Variants in CCDC85A observed in about 807,000 individuals in gnomAD.
CCDC85A encodes the protein coiled-coil domain containing 85A.
A neutral mutation model predicts 50.2 loss-of-function variants in CCDC85A; 38 were observed. The observed-to-expected ratio is 0.76, with a 90% confidence interval of 0.58 to 0.99. The LOEUF is 0.99. Among genes scored for constraint, CCDC85A ranks in the 50% least tolerant of loss-of-function variants. The pLI, the probability that CCDC85A is intolerant of heterozygous loss-of-function variation, is 0.00. For synonymous variants in CCDC85A, 366 were observed against 301.4 expected, an observed-to-expected ratio of 1.21 and a Z score of -2.22; for missense variants, 820 against 742.0, an observed-to-expected ratio of 1.11 and a Z score of -1.22.
Position 56,238,908 on chromosome 2 carries a change from T to C in CCDC85A, c.1240+45468T>C, listed in dbSNP as rs141936067. ...GTCTGCGATGGACTTTGCTGAAGATTATTTAACTCCTTTATATCTCTTTAA... is the reference window on the plus strand; with the variant it reads ...GTCTGCGATGGACTTTGCTGAAGATCATTTAACTCCTTTATATCTCTTTAA... On this transcript the variant is annotated intron_variant, in intron 2 of 5. Coordinates refer to ENST00000407595, the MANE Select transcript of CCDC85A (RefSeq NM_001080433.2). 1.5e-3 allele frequency among the ~76,000 whole-genome samples: 226 copies of C among 152,324 alleles called. 1 individual carries two copies. Among genetic ancestry groups the C allele is most frequent in the African/African-American group, 5.1e-3 (210 of 41,578 alleles).
intron 4 of CCDC85A, among the ~76,000 whole-genome samples, chr2:56,372,686 A>C (rs1225730523): frequency 1.3e-5 from 2 of 152,196 alleles, no homozygotes; most frequent in Admixed American, 6.5e-5. Flanking sequence ...TCTGGGGGTG[A>C]AAGTTGAGCA....
At chr2:56,270,377 G>C (rs1232470914) in intron 2 of CCDC85A, among the ~76,000 whole-genome samples, 1 of 152,176 alleles carries the variant, frequency 6.6e-6, no homozygotes, top group Non-Finnish European at 1.5e-5. Context: ...AGTCAGTCAT[G>C]TAGAATGTTG....
rs563080140 is a variant in CCDC85A at position 56,203,579 on chromosome 2, A to G, written c.1240+10139A>G. On this transcript the variant is annotated intron_variant, in intron 2 of 5. Transcript: ENST00000407595. ...CATTTTTGCCAGAGTCTGCACAGCC[A>G]GGTATACAAAAGACATTGATTTGAA... 1.7e-4 allele frequency among the ~76,000 whole-genome samples: 26 copies of G among 152,302 alleles called. 1 individual carries two copies. Among genetic ancestry groups the G allele is most frequent in the African/African-American group, 5.5e-4 (23 of 41,558 alleles).
At chr2:56,201,855 T>C (rs1676761418) in intron 2 of CCDC85A, among the ~76,000 whole-genome samples, 1 of 152,148 alleles carries the variant, frequency 6.6e-6, no homozygotes, top group Non-Finnish European at 1.5e-5. Flanking sequence ...CCATAAAGTA[T>C]ACTTTATGTT....
At chr2:56,302,757 C>T (rs1400116985) in intron 2 of CCDC85A, among the ~76,000 whole-genome samples, 4 of 152,074 alleles carry the variant, frequency 2.6e-5, no homozygotes, top group African/African-American at 9.7e-5. Flanking sequence ...GTATGTGTTC[C>T]ATTTATTTGT....
chr2:56,344,111 A>G lies in CCDC85A; in HGVS notation c.1317+1156A>G, dbSNP rs184264978. On this transcript the variant is annotated intron_variant, in intron 3 of 5. Transcript: ENST00000407595. ...AAGGGGAATACATTCCAAGACCCCA[A>G]GTGGATGCCTGAAACCACGGATAGT... 1.1e-3 allele frequency among the ~76,000 whole-genome samples: 163 copies of G among 152,282 alleles called. 1 individual carries two copies. The highest frequency in any genetic ancestry group is 3.6e-3 in the African/African-American group (149 of 41,556).
intron 2 of CCDC85A, among the ~76,000 whole-genome samples, chr2:56,209,538 A>T (rs540941543): frequency 9.2e-5 from 14 of 151,748 alleles, no homozygotes; most frequent in Non-Finnish European, 4.4e-5. Flanking sequence ...ACTTTGGGGC[A>T]AAGGTTTTAA....
chr2:56,308,054 A>T (rs1442981371), intron 2 of CCDC85A, among the ~76,000 whole-genome samples: 1 of 152,216 alleles, frequency 6.6e-6, no homozygotes, highest in Non-Finnish European at 1.5e-5. Context: ...TTCTACTCTC[A>T]TAGCATGAGT....
At position 56,229,717 on chromosome 2, in the gene CCDC85A, GA is replaced by G. The variant is rs1385039749; in HGVS notation, c.1240+36278del. 1.1e-4 allele frequency among the ~76,000 whole-genome samples: 16 copies of G among 152,124 alleles called. 1 individual carries two copies. In the South Asian group the frequency reaches 3.3e-3, roughly 32 times the overall value. ...TATTGAAGCATAGTCAAAACAGCCG[GA>G]TCTATATGTCTAGATGTTTTTTTCT... On this transcript the variant is annotated intron_variant, in intron 2 of 5. Transcript: ENST00000407595.
intron 3 of CCDC85A, among the ~76,000 whole-genome samples, chr2:56,362,694 T>A (rs1193886928): frequency 6.6e-6 from 1 of 152,086 alleles, no homozygotes; most frequent in Admixed American, 6.5e-5. Flanking sequence ...TCTCAGCTCA[T>A]TGCAACCTCT....
chr2:56,315,919 T>C (rs766188236), intron 2 of CCDC85A, among the ~76,000 whole-genome samples: 1 of 152,112 alleles, frequency 6.6e-6, no homozygotes, highest in Non-Finnish European at 1.5e-5. Flanking sequence ...TGAGAATGAA[T>C]GTATGTAACT....
chr2:56,243,239 T>A (rs1428791919), intron 2 of CCDC85A, among the ~76,000 whole-genome samples: 1 of 152,208 alleles, frequency 6.6e-6, no homozygotes, highest in Non-Finnish European at 1.5e-5. Context: ...TGTTTCTTTC[T>A]GTACCTCCTC....
At chr2:56,273,929 A>C (rs760534711) in intron 2 of CCDC85A, among the ~76,000 whole-genome samples, 1 of 152,222 alleles carries the variant, frequency 6.6e-6, no homozygotes, top group Non-Finnish European at 1.5e-5. Context: ...AAACTATGCT[A>C]GTGAGAAAAC....
chr2:56,342,958 G>A lies in CCDC85A; in HGVS notation c.1317+3G>A, dbSNP rs369715653. ...AAGAAAATCGCATGCTGCCCCAGGT[G>A]GGTGACTTCCAGAAGCTCATAGCTA... On this transcript the variant is annotated splice_donor_region_variant and intron_variant, in intron 3 of 5. Transcript: ENST00000407595. The A allele has an allele frequency of 2.8e-5, 45 of 1,585,300 alleles. No homozygotes were observed. In the African/African-American group the frequency reaches 5.5e-4, roughly 19 times the overall value.
intron 2 of CCDC85A, among the ~76,000 whole-genome samples, chr2:56,236,008 A>C (rs1053069758): frequency 6.6e-6 from 1 of 152,172 alleles, no homozygotes; most frequent in South Asian, 2.1e-4. Context: ...AAGAAATACA[A>C]AGTATGAATA....
intron 2 of CCDC85A, among the ~76,000 whole-genome samples, chr2:56,207,706 C>T (rs1677013068): frequency 1.3e-5 from 2 of 152,082 alleles, no homozygotes; most frequent in African/African-American, 4.8e-5. Context: ...TTCATGTCCA[C>T]CATCTGTTCT....
At chr2:56,369,932 A>G (rs1475340099) in intron 3 of CCDC85A, among the ~76,000 whole-genome samples, 1 of 152,124 alleles carries the variant, frequency 6.6e-6, no homozygotes, top group Non-Finnish European at 1.5e-5. Flanking sequence ...ACTTAAAGAG[A>G]CTCAGTGATT....
intron 2 of CCDC85A, among the ~76,000 whole-genome samples, chr2:56,266,049 G>T (rs1213571823): frequency 1.3e-5 from 2 of 152,130 alleles, no homozygotes; most frequent in Non-Finnish European, 2.9e-5. Flanking sequence ...GACACGGAAA[G>T]ACAAATATTG....
In CCDC85A at chr2:56,242,429, C is replaced by T. The variant is rs7587678; in HGVS notation, c.1240+48989C>T. On this transcript the variant is annotated intron_variant, in intron 2 of 5. Coordinates refer to ENST00000407595, the MANE Select transcript of CCDC85A (RefSeq NM_001080433.2). ...GCAGAAGGCAAAGGGGGAGTAGGCA[C>T]ATCACATGGTGAGAATGGAGCAAGA... is the stretch of plus-strand genomic sequence containing the variant. Among the ~76,000 whole-genome samples the T allele has an allele frequency of 1.6e-3, 247 of 152,170 alleles. 1 individual carries two copies. Among genetic ancestry groups the T allele is most frequent in the African/African-American group, 5.7e-3 (235 of 41,508 alleles).
Sources: gnomAD v4.1 joint callset for allele counts (sites outside exome capture counted in the v4.1 genomes callset) on GRCh38, gnomAD v4.1.1 for gene constraint, MANE v1.5 for transcripts, NCBI Gene and HGNC (gene_info 2026-07-23, HGNC 2026-07-21) for gene names.